CCSER1: variants seen among roughly 807,000 people sequenced by gnomAD.
The protein encoded by CCSER1 is coiled-coil serine rich protein 1.
In CCSER1, 41 loss-of-function variants were observed where a neutral mutation model predicts 82.0. The observed-to-expected ratio is 0.50, with a 90% CI of 0.39 to 0.65. The LOEUF is 0.65. Among genes scored for constraint, CCSER1 ranks in the 30% least tolerant of loss-of-function variants. The probability of loss-of-function intolerance (pLI) is 0.00; values close to 1 mark genes in which losing one functional copy is unlikely to be tolerated. For missense variants in CCSER1, 1,119 were observed against 1,064.2 expected (o/e 1.05, Z -0.72); for synonymous variants, 414 against 383.9 (o/e 1.08, Z -0.92).
At chr4:90,797,372 T>C (rs1159182100) in intron 7 of CCSER1, among the ~76,000 whole-genome samples, 2 of 152,104 alleles carry the variant, frequency 1.3e-5, no homozygotes, top group African/African-American at 2.4e-5. Flanking sequence ...ACCTACGTCA[T>C]TGCATGTGAG....
chr4:90,177,959 AAGTATTTCAG>A (rs1578344043), intron 1 of CCSER1, among the ~76,000 whole-genome samples: 1 of 152,098 alleles, frequency 6.6e-6, no homozygotes, highest in Non-Finnish European at 1.5e-5. Context: ...ATACTCAGAG[AAGTATTTCAG>A]ATTTTGGATT....
chr4:90,841,018 T>A (rs1447962671), intron 8 of CCSER1, among the ~76,000 whole-genome samples: 1 of 152,148 alleles, frequency 6.6e-6, no homozygotes, highest in Non-Finnish European at 1.5e-5. Context: ...ATGTCCTGAT[T>A]GAGATTTTTG....
chr4:90,635,915 G>A (rs977796635), intron 6 of CCSER1, among the ~76,000 whole-genome samples: 4 of 151,318 alleles, frequency 2.6e-5, no homozygotes, highest in Non-Finnish European at 5.9e-5. Context: ...CAATAAAAAA[G>A]GTAGCTAATA....
At chr4:91,291,146 T>C (rs1743714600) in intron 10 of CCSER1, among the ~76,000 whole-genome samples, 1 of 151,870 alleles carries the variant, frequency 6.6e-6, no homozygotes, top group Non-Finnish European at 1.5e-5. Context: ...GTGCTGGCGT[T>C]ATTAAAGTGT....
intron 3 of CCSER1, among the ~76,000 whole-genome samples, chr4:90,351,973 C>T (rs928997765): frequency 6.6e-6 from 1 of 152,088 alleles, no homozygotes; most frequent in African/African-American, 2.4e-5. Context: ...TTTATATCCT[C>T]AACTTTATAA....
At chr4:91,388,005 ATTAG>A (rs147411875) in intron 10 of CCSER1, among the ~76,000 whole-genome samples, 145 of 152,198 alleles carry the variant, frequency 9.5e-4, no homozygotes, top group African/African-American at 3.4e-3. Context: ...TATTGTAACA[ATTAG>A]TTCACCCTAT....
intron 9 of CCSER1, among the ~76,000 whole-genome samples, chr4:91,041,765 C>G (rs1268481250): frequency 6.6e-6 from 1 of 152,178 alleles, no homozygotes; most frequent in South Asian, 2.1e-4. Flanking sequence ...TAAGGCACAA[C>G]AACCTGTTTC....
At chr4:91,098,501 G>T (rs1724728022) in intron 10 of CCSER1, among the ~76,000 whole-genome samples, 1 of 151,714 alleles carries the variant, frequency 6.6e-6, no homozygotes, top group East Asian at 1.9e-4. Context: ...CTTGAGTTAA[G>T]CAAAGTCACT....
chr4:91,107,496 C>T (rs1725730118), intron 10 of CCSER1, among the ~76,000 whole-genome samples: 1 of 152,206 alleles, frequency 6.6e-6, no homozygotes, highest in Non-Finnish European at 1.5e-5. Context: ...ACCTCGTGAT[C>T]CACCCGCCTT....
chr4:91,477,615 A>T (rs893224257), intron 10 of CCSER1, among the ~76,000 whole-genome samples: 1 of 151,768 alleles, frequency 6.6e-6, no homozygotes, highest in Non-Finnish European at 1.5e-5. Flanking sequence ...TTTCACATGT[A>T]TGTCAAGTTA....
At chr4:90,628,677 G>A (rs1430015165) in intron 6 of CCSER1, among the ~76,000 whole-genome samples, 2 of 152,112 alleles carry the variant, frequency 1.3e-5, no homozygotes, top group South Asian at 2.1e-4. Context: ...TTGAATTACA[G>A]TAAAATTCAA....
At chr4:90,506,183 T>A (rs1046428173) in intron 5 of CCSER1, among the ~76,000 whole-genome samples, 1 of 152,214 alleles carries the variant, frequency 6.6e-6, no homozygotes, top group Non-Finnish European at 1.5e-5. Context: ...TATCTGTATA[T>A]TGAAGGAAAT....
rs1334227998 is a variant in CCSER1, at chr4:90,151,325, T to C, written c.-42+23494T>C. ...ATGAACATAATGATATATGGTTTCT[T>C]CATAAAGATATATGTATCAATTTTA... On this transcript the variant is annotated intron_variant, in intron 1 of 10. Transcript: ENST00000509176. 3.3e-5 allele frequency among the ~76,000 whole-genome samples: 5 copies of C among 152,070 alleles called. No individual in the cohort carries two copies. The East Asian group carries it at 9.6e-4, about 29-fold the overall frequency.
intron 5 of CCSER1, among the ~76,000 whole-genome samples, chr4:90,546,024 G>A (rs1292677673): frequency 1.3e-5 from 2 of 152,094 alleles, no homozygotes; most frequent in Non-Finnish European, 2.9e-5. Flanking sequence ...GATATAGTTT[G>A]TCCCTTATGG....
intron 3 of CCSER1, among the ~76,000 whole-genome samples, chr4:90,383,967 T>G (rs1191841305): frequency 6.6e-6 from 1 of 151,860 alleles, no homozygotes; most frequent in African/African-American, 2.4e-5. Context: ...CTTGCTATGT[T>G]GTCCAGGCTG....
chr4:90,184,683 C>T (rs1001640701), intron 1 of CCSER1, among the ~76,000 whole-genome samples: 8 of 152,056 alleles, frequency 5.3e-5, no homozygotes, highest in Non-Finnish European at 1.2e-4. Flanking sequence ...AAAGTGTTTG[C>T]TCAGCCTGCA....
intron 10 of CCSER1, among the ~76,000 whole-genome samples, chr4:91,371,732 T>A (rs1750063266): frequency 6.6e-6 from 1 of 152,176 alleles, no homozygotes; most frequent in Admixed American, 6.6e-5. Context: ...TAGTAGCAAG[T>A]AATTTGGAGT....
chr4:91,084,837 C>G (rs1420280917), intron 9 of CCSER1, among the ~76,000 whole-genome samples: 2 of 151,904 alleles, frequency 1.3e-5, no homozygotes, highest in African/African-American at 2.4e-5. Flanking sequence ...TATGTATGTT[C>G]ATGTGTTTTT....
At chr4:91,497,229 A>G (rs1487015959) in intron 10 of CCSER1, among the ~76,000 whole-genome samples, 1 of 151,614 alleles carries the variant, frequency 6.6e-6, no homozygotes, top group Admixed American at 6.6e-5. Context: ...TAGTTACCTC[A>G]TGAAGCGGTT....
Sources: allele counts gnomAD v4.1 joint callset (sites outside exome capture counted in the v4.1 genomes callset), GRCh38; gene constraint gnomAD v4.1.1; transcripts MANE v1.5; gene names NCBI Gene and HGNC (gene_info 2026-07-23, HGNC 2026-07-21).